RABL3: variants seen among roughly 807,000 people sequenced by gnomAD.
RABL3 encodes the protein rab-like protein 3.
Under a neutral mutation model 31.8 loss-of-function variants are expected in RABL3, and 31 were observed. The observed-to-expected ratio is 0.97, with a 90% CI of 0.73 to 1.31. RABL3 has a LOEUF of 1.31. RABL3 is among the 40% of genes most tolerant of loss of function. The pLI is 0.00. For missense variants in RABL3, 263 were observed against 279.6 expected, an observed-to-expected ratio of 0.94 and a Z score of 0.42; for synonymous variants, 97 against 99.9, an observed-to-expected ratio of 0.97 and a Z score of 0.18.
chr3:120,712,850 T>C (rs1049156251), intron 2 of RABL3, among the ~76,000 whole-genome samples: 2 of 152,146 alleles, frequency 1.3e-5, no homozygotes, highest in Non-Finnish European at 2.9e-5. Flanking sequence ...TTCCAGTGTT[T>C]CTCCAGTACA....
At chr3:120,724,977 G>C (rs1004299194) in intron 2 of RABL3, among the ~76,000 whole-genome samples, 70 of 152,202 alleles carry the variant, frequency 4.6e-4, no homozygotes, top group African/African-American at 1.6e-3. Context: ...AAGAGCTTCT[G>C]CACAGCAAAA....
chr3:120,723,217 G>A (rs547782872), intron 2 of RABL3, among the ~76,000 whole-genome samples: 2 of 152,234 alleles, frequency 1.3e-5, no homozygotes, highest in East Asian at 3.9e-4. Flanking sequence ...ATAAATTCCT[G>A]GACACATACA....
At chr3:120,726,373 C>G (rs893065612) in intron 2 of RABL3, among the ~76,000 whole-genome samples, 1 of 152,036 alleles carries the variant, frequency 6.6e-6, no homozygotes, top group Non-Finnish European at 1.5e-5. Flanking sequence ...GCCTCTAATC[C>G]CAGCACTTTG....
intron 2 of RABL3, among the ~76,000 whole-genome samples, chr3:120,723,968 G>C (rs979673426): frequency 4.6e-5 from 7 of 152,062 alleles, no homozygotes; most frequent in Non-Finnish European, 1.0e-4. Flanking sequence ...GCAGGAGAAG[G>C]AAATAAAGGG....
intron 3 of RABL3, among the ~76,000 whole-genome samples, chr3:120,707,075 A>T (rs2107581440): frequency 6.6e-6 from 1 of 152,338 alleles, no homozygotes; most frequent in Non-Finnish European, 1.5e-5. Context: ...CAGATTGTGA[A>T]TAGGACATGA....
rs1487923533 is a variant in RABL3 at position 120,685,652 on chromosome 3, A to G, written c.*4171T>C. Among the ~76,000 whole-genome samples, 1 of 152,200 alleles carries G rather than the reference A, an allele frequency of 6.6e-6. No homozygotes were observed. The highest frequency in any genetic ancestry group is 1.5e-5 in the Non-Finnish European group (1 of 68,036). ...AGCTTTGAGTGGGGAGGAGTGGATC[A>G]GTTCATTAAGGTGAGATCAGGTTGA... On this transcript the variant is annotated 3_prime_UTR_variant, in exon 8 of 8. Coordinates refer to ENST00000273375, the MANE Select transcript of RABL3 (RefSeq NM_173825.5).
At chr3:120,695,207 C>T (rs1475173572) in intron 5 of RABL3, among the ~76,000 whole-genome samples, 1 of 152,032 alleles carries the variant, frequency 6.6e-6, no homozygotes, top group Non-Finnish European at 1.5e-5. Flanking sequence ...AATGAAGCCT[C>T]CTATTTTATT....
intron 1 of RABL3, chr3:120,738,643 G>A (rs1350332063): frequency 6.6e-6 from 1 of 152,184 alleles, no homozygotes; most frequent in African/African-American, 2.4e-5. Context: ...AGTTCCTTGA[G>A]GGTTCTTACG....
At chr3:120,738,695 GTATT>G (rs1170745501) in intron 1 of RABL3, 2 of 152,150 alleles carry the variant, frequency 1.3e-5, no homozygotes, top group African/African-American at 4.8e-5. Flanking sequence ...ACCTTAATTA[GTATT>G]TATTAAAAGT....
intron 3 of RABL3, among the ~76,000 whole-genome samples, chr3:120,707,379 GA>G (rs2107581587): frequency 6.6e-6 from 1 of 152,160 alleles, no homozygotes; most frequent in East Asian, 1.9e-4. Context: ...AAGGAATAAA[GA>G]ACCACCATTA....
At chr3:120,740,248 T>C (rs939830005) in intron 1 of RABL3, among the ~76,000 whole-genome samples, 1 of 152,138 alleles carries the variant, frequency 6.6e-6, no homozygotes, top group Non-Finnish European at 1.5e-5. Flanking sequence ...AATCACCAAA[T>C]ATCAACTTAT....
intron 1 of RABL3, among the ~76,000 whole-genome samples, chr3:120,735,547 A>G (rs529718886): frequency 2.0e-5 from 3 of 152,076 alleles, no homozygotes; most frequent in Non-Finnish European, 2.9e-5. Context: ...TATGTCCTTC[A>G]GTTCTGCTCT....
intron 4 of RABL3, among the ~76,000 whole-genome samples, chr3:120,704,195 A>G (rs1302165578): frequency 6.6e-6 from 1 of 152,214 alleles, no homozygotes; most frequent in Non-Finnish European, 1.5e-5. Context: ...CATAAAATGA[A>G]TAATACACCA....
intron 2 of RABL3, among the ~76,000 whole-genome samples, chr3:120,721,003 A>G (rs1708733351): frequency 6.6e-6 from 1 of 152,248 alleles, no homozygotes. Context: ...GAAACTCTAC[A>G]AGCCAGAACA....
In RABL3 at chr3:120,694,173, G is replaced by A. The variant is rs1427526346; in HGVS notation, c.586C>T (p.Leu196Phe). Residue 196 changes from leucine to phenylalanine, a missense_variant, in exon 6 of 8, where the codon CTC becomes TTC. By Grantham distance (22) the Leu-to-Phe change is conservative (BLOSUM62 0). Coordinates refer to ENST00000273375, the MANE Select transcript of RABL3 (RefSeq NM_173825.5). ...ATTACCTTATCAAAAAACCTACTGA[G>A]CTTGACAGCATTGGAAGAACCTGCA... is the stretch of plus-strand genomic sequence containing the variant. ...LAAGSSNAVK[L>F]SRFFDKVIEK... The A allele has an allele frequency of 1.9e-6, 3 of 1,608,650 alleles. No individual in the cohort carries two copies. Among genetic ancestry groups the A allele is most frequent in the Admixed American group, 1.7e-5 (1 of 59,968 alleles).
intron 2 of RABL3, among the ~76,000 whole-genome samples, chr3:120,712,852 T>C (rs1708627234): frequency 6.6e-6 from 1 of 152,174 alleles, no homozygotes; most frequent in African/African-American, 2.4e-5. Context: ...CCAGTGTTTC[T>C]CCAGTACAGT....
Position 120,730,698 on chromosome 3 carries a change from T to A in RABL3, c.136A>T (p.Arg46Ter), listed in dbSNP as rs1321343497. The A allele has an allele frequency of 6.2e-7, 1 of 1,606,712 alleles. No homozygotes were observed. Among genetic ancestry groups the A allele is most frequent in the East Asian group, 2.2e-5 (1 of 44,824 alleles). ...SWTVGCSVDV[R>*]VHDYKEGTPE... ...ACTAAAATATAAAAGACACATACTCTGACATCCACTGAGCAGCCCACAGTC... is the reference window on the plus strand; with the variant it reads ...ACTAAAATATAAAAGACACATACTCAGACATCCACTGAGCAGCCCACAGTC... Residue 46 changes from arginine (R) to a stop codon, truncating the protein, a stop_gained and splice_region_variant, in exon 2 of 8, where the codon AGA (arginine) becomes TGA (stop). Coordinates refer to ENST00000273375, the MANE Select transcript of RABL3 (RefSeq NM_173825.5). LOFTEE classifies it high-confidence loss of function.
chr3:120,689,806 C>G lies in RABL3; in HGVS notation c.*17G>C. 1 of 1,588,680 alleles carries G rather than the reference C, an allele frequency of 6.3e-7. No individual in the cohort carries two copies. The highest frequency in any genetic ancestry group is 8.6e-7 in the Non-Finnish European group (1 of 1,157,770). ...AACTGCCACTGCTTGCTCACTCTTC[C>G]AAAGGATGAGTGTAATTCAGTCATA... is the stretch of plus-strand genomic sequence containing the variant. On this transcript the variant is annotated 3_prime_UTR_variant, in exon 8 of 8. Coordinates refer to ENST00000273375, the MANE Select transcript of RABL3 (RefSeq NM_173825.5).
At chr3:120,692,659 G>T (rs61795612) in intron 6 of RABL3, among the ~76,000 whole-genome samples, 15,434 of 152,124 alleles carry the variant, frequency 0.1, 1,068 homozygotes, top group Middle Eastern at 0.16. Flanking sequence ...CAATAAAAGA[G>T]AAGTTACCTT....
Sources: gnomAD v4.1 joint callset for allele counts (sites outside exome capture counted in the v4.1 genomes callset) on GRCh38, gnomAD v4.1.1 for gene constraint, MANE v1.5 for transcripts, NCBI Gene and HGNC (gene_info 2026-07-23, HGNC 2026-07-21) for gene names.